PVT1: variants seen among roughly 807,000 people sequenced by gnomAD.
The protein encoded by PVT1 is Pvt1 oncogene, also known as CXCR4/PVT1 fusion.
chr8:128,057,506 T>C (rs751415222), intron 4 of PVT1, among the ~76,000 whole-genome samples: 1 of 152,194 alleles, frequency 6.6e-6, no homozygotes, highest in Non-Finnish European at 1.5e-5. Context: ...CAATTTCAAA[T>C]GTACAGATTG....
At chr8:127,822,772 T>C (rs752897488) in intron 2 of PVT1, among the ~76,000 whole-genome samples, 2 of 152,058 alleles carry the variant, frequency 1.3e-5, no homozygotes, top group African/African-American at 2.4e-5. Context: ...AGGGCTGAGA[T>C]GGATGAAAGC....
At chr8:127,955,008 A>G (rs553664381) in intron 3 of PVT1, among the ~76,000 whole-genome samples, 1 of 152,362 alleles carries the variant, frequency 6.6e-6, no homozygotes, top group African/African-American at 2.4e-5. Flanking sequence ...ACTATGTGTT[A>G]TGGGCTGAAT....
At chr8:128,012,178 GA>G (rs1817321695) in intron 4 of PVT1, among the ~76,000 whole-genome samples, 1 of 152,202 alleles carries the variant, frequency 6.6e-6, no homozygotes, top group African/African-American at 2.4e-5. Context: ...GGGGATGCAT[GA>G]AGGAGCTATT....
At chr8:128,003,481 G>A (rs551040886) in intron 4 of PVT1, among the ~76,000 whole-genome samples, 2 of 152,098 alleles carry the variant, frequency 1.3e-5, no homozygotes, top group Non-Finnish European at 2.9e-5. Context: ...AAGTACCTGG[G>A]ACTACAGGTA....
intron 4 of PVT1, among the ~76,000 whole-genome samples, chr8:128,059,133 G>A (rs556464349): frequency 6.6e-5 from 10 of 152,302 alleles, no homozygotes; most frequent in East Asian, 3.9e-4. Context: ...AATGGCTCAC[G>A]TCAGAAAGAC....
At chr8:127,990,557 C>G (rs1817020913) in intron 4 of PVT1, among the ~76,000 whole-genome samples, 1 of 152,092 alleles carries the variant, frequency 6.6e-6, no homozygotes, top group East Asian at 1.9e-4. Flanking sequence ...TGATTCCTAT[C>G]ATGAATTTGA....
intron 3 of PVT1, among the ~76,000 whole-genome samples, chr8:127,961,878 A>G (rs1169416849): frequency 6.6e-6 from 1 of 152,252 alleles, no homozygotes; most frequent in Non-Finnish European, 1.5e-5. Flanking sequence ...TTCAACAATG[A>G]CTAACCTGTA....
chr8:127,916,220 A>T (rs1586434502), intron 3 of PVT1, among the ~76,000 whole-genome samples: 1 of 152,182 alleles, frequency 6.6e-6, no homozygotes, highest in South Asian at 2.1e-4. Context: ...TAAACACACC[A>T]TGTAGGGGCA....
At chr8:128,020,061 T>TA (rs1240440160) in intron 4 of PVT1, among the ~76,000 whole-genome samples, 1 of 49,668 alleles carries the variant, frequency 2.0e-5, no homozygotes, top group Admixed American at 2.5e-4. Context: ...TGAGGCTGGG[T>TA]AAAGTCCTTC....
rs59006608 is a variant in PVT1 at position 127,937,580 on chromosome 8, C to CACACAGAGAG, written n.782+46583_782+46584insCACAGAGAGA. ...ACACACACACACACACACACACACACAGAGAGAGAGAGAGAGAGAGAGAGA... is the reference window on the plus strand; with the variant it reads ...ACACACACACACACACACACACACACACACAGAGAGAGAGAGAGAGAGAGAGAGAGAGAGA... On this transcript the variant is annotated intron_variant and non_coding_transcript_variant, in intron 3 of 10. Coordinates refer to ENST00000651587, the Ensembl canonical transcript of PVT1. Among the ~76,000 whole-genome samples, 5 of 107,868 alleles carry CACACAGAGAG rather than the reference C, an allele frequency of 4.6e-5. No homozygotes were observed. In the East Asian group the frequency reaches 8.5e-4, roughly 18 times the overall value. 70.8% of individuals were successfully genotyped at this position (107,868 alleles called of 152,430 possible). A position where few individuals can be genotyped will look rare whatever the true frequency, so the allele number is the denominator to read the frequency against.
At chr8:128,089,471 C>A (rs1814321032) in intron 5 of PVT1, among the ~76,000 whole-genome samples, 1 of 152,124 alleles carries the variant, frequency 6.6e-6, no homozygotes, top group African/African-American at 2.4e-5. Flanking sequence ...ACTGTCATGA[C>A]CATCACCCCC....
At chr8:127,945,884 CCA>C (rs150221663) in intron 3 of PVT1, among the ~76,000 whole-genome samples, 4,350 of 152,298 alleles carry the variant, frequency 0.029, 105 homozygotes, top group African/African-American at 0.056. Flanking sequence ...CTCACCGTCC[CCA>C]GTCAGCTCTG....
intron 4 of PVT1, among the ~76,000 whole-genome samples, chr8:128,006,467 G>C (rs1461333526): frequency 1.3e-5 from 2 of 152,126 alleles, no homozygotes; most frequent in African/African-American, 4.8e-5. Flanking sequence ...ATGTCTGCCA[G>C]ATTTCTCTAC....
At chr8:127,867,500 A>T (rs988284897) in intron 2 of PVT1, among the ~76,000 whole-genome samples, 8 of 152,298 alleles carry the variant, frequency 5.3e-5, no homozygotes, top group African/African-American at 1.9e-4. Context: ...ATGCTTCTGG[A>T]GGATGCTCCG....
intron 2 of PVT1, among the ~76,000 whole-genome samples, chr8:127,828,730 G>C (rs1310461032): frequency 6.6e-6 from 1 of 151,938 alleles, no homozygotes; most frequent in Non-Finnish European, 1.5e-5. Flanking sequence ...GATGGTGCAG[G>C]TCCGCCCCCC....
intron 3 of PVT1, among the ~76,000 whole-genome samples, chr8:127,984,586 C>T (rs1345955015): frequency 6.6e-6 from 1 of 152,206 alleles, no homozygotes; most frequent in Non-Finnish European, 1.5e-5. Flanking sequence ...TCCATCCCAC[C>T]CCAGTCCAGG....
At chr8:127,812,451 C>T (rs955257121) in intron 2 of PVT1, among the ~76,000 whole-genome samples, 1 of 151,786 alleles carries the variant, frequency 6.6e-6, no homozygotes. Flanking sequence ...ACCTGTGGTC[C>T]CAGGAGGCCA....
At chr8:127,856,247 G>A (rs1335771479) in intron 2 of PVT1, among the ~76,000 whole-genome samples, 1 of 152,058 alleles carries the variant, frequency 6.6e-6, no homozygotes, top group East Asian at 1.9e-4. Flanking sequence ...GTATGCTGGG[G>A]TGGCTGGGAA....
intron 4 of PVT1, among the ~76,000 whole-genome samples, chr8:128,015,449 C>T (rs4733590): frequency 0.66 from 100,524 of 151,806 alleles, 33,895 homozygotes; most frequent in African/African-American, 0.78. Flanking sequence ...CCTCAGTATT[C>T]TAGTAGCTCA....
Sources: allele counts gnomAD v4.1 joint callset (sites outside exome capture counted in the v4.1 genomes callset), GRCh38; gene constraint gnomAD v4.1.1; transcripts MANE v1.5; gene names NCBI Gene and HGNC (gene_info 2026-07-23, HGNC 2026-07-21).